The following BCL9L variants were observed in gnomAD, a reference collection of about 807,000 sequenced individuals.
BCL9L encodes BCL9 like, also known as B-cell CLL/lymphoma 9-like protein.
A neutral mutation model predicts 99.4 loss-of-function variants in BCL9L; 19 were observed. The ratio of observed to expected loss-of-function variants is 0.19; its 90% CI spans 0.13 to 0.28. BCL9L has a LOEUF of 0.28. BCL9L is among the 10% of genes least tolerant of loss of function. BCL9L has a pLI of 1.00. For missense variants in BCL9L, 2,023 were observed against 2,101.6 expected (o/e 0.96, Z 0.73); for synonymous variants, 900 against 854.8 (o/e 1.05, Z -0.92).
rs1431374449 is a variant in BCL9L, at chr11:118,901,097, C to T, written c.2646G>A (p.Val882=). 6.2e-7 allele frequency: 1 copy of T among 1,608,376 alleles called. No individual in the cohort carries two copies. The highest frequency in any genetic ancestry group is 1.3e-5 in the African/African-American group (1 of 74,818). The stretch of plus-strand genomic sequence containing the variant: ...GCATGTGGCTGAGCCGGGTGGTGCC[C>T]ACGTTGCTCATGGGCATTGAGCTCT... ...PDQSSMPMSN[V]GTTRLSHMPL... The change falls in exon 8 of 10, where the codon GTG becomes GTA. Residue 882 remains valine, a synonymous_variant. Transcript: ENST00000683865. This position sits in a 1 kb window ranked among gnomAD's most constrained non-coding sequence, Gnocchi z 6.6.
chr11:118,906,908 G>A (rs1431187846), intron 5 of BCL9L, among the ~76,000 whole-genome samples: 1 of 152,178 alleles, frequency 6.6e-6, no homozygotes, highest in African/African-American at 2.4e-5. Flanking sequence ...GCTTCCCAGG[G>A]GCAGGGGTTA....
Position 118,899,292 on chromosome 11 carries a change from C to A in BCL9L, c.3623G>T (p.Gly1208Val). 5 of 1,526,420 alleles carry A rather than the reference C, an allele frequency of 3.3e-6. No homozygotes were observed. The highest frequency in any genetic ancestry group is 1.4e-5 in the African/African-American group (1 of 72,932). 94.6% of individuals were successfully genotyped at this position (1,526,420 alleles called of 1,614,324 possible). ...PQNSMMMAPGGPDSLNAPCGP... is the reference protein window; with the variant it reads ...PQNSMMMAPGVPDSLNAPCGP... ...ACAGGGGGCATTCAGGGAGTCGGGGCCCCCTGGGGCCATCATCATGGAGTT... is the reference window on the plus strand; with the variant it reads ...ACAGGGGGCATTCAGGGAGTCGGGGACCCCTGGGGCCATCATCATGGAGTT... Residue 1208 changes from glycine to valine, a missense_variant, in exon 10 of 10, where the codon GGC becomes GTC. By Grantham distance (109) the Gly-to-Val change is moderately radical. This residue lies in a region of BCL9L where 902 missense variants were observed against 888.2 expected (regional missense o/e 1.02). Coordinates refer to ENST00000683865, the MANE Select transcript of BCL9L (RefSeq NM_001378213.1).
chr11:118,904,433 G>A (rs1228370408), intron 5 of BCL9L, among the ~76,000 whole-genome samples: 2 of 152,062 alleles, frequency 1.3e-5, no homozygotes, highest in African/African-American at 4.8e-5. Flanking sequence ...GAGCGAGACT[G>A]TCTCAAAAAA....
At chr11:118,919,090 CCAGCTGCACCGCTG>C (rs1941063095) in intron 1 of BCL9L, among the ~76,000 whole-genome samples, 1 of 75,992 alleles carries the variant, frequency 1.3e-5, no homozygotes, top group Non-Finnish European at 2.8e-5. Flanking sequence ...AAGCCTGACC[CCAGCTGCACCGCTG>C]CCCCCCCCCC....
At position 118,898,312 on chromosome 11, in the gene BCL9L, C is replaced by CCCCCCCCCCCCCCCCCCCCCCCCCCCA; in HGVS notation, c.*102_*103insTGGGGGGGGGGGGGGGGGGGGGGGGGG. ...TACACAAGCCCCCTCCCACCCCCTC[C>CCCCCCCCCCCCCCCCCCCCCCCCCCCA]ACCCCACCCCGCGACCCAGGCCATC... is the stretch of plus-strand genomic sequence containing the variant. On this transcript the variant is annotated 3_prime_UTR_variant, in exon 10 of 10. Coordinates refer to ENST00000683865, the MANE Select transcript of BCL9L (RefSeq NM_001378213.1). 1 of 686,074 alleles carries CCCCCCCCCCCCCCCCCCCCCCCCCCCA rather than the reference C, an allele frequency of 1.5e-6. No homozygotes were observed. The highest frequency in any genetic ancestry group is 2.2e-6 in the Non-Finnish European group (1 of 459,130). The allele number at this position is 686,074 out of a possible 1,614,324, so 42.5% of individuals were successfully genotyped here.
chr11:118,920,416 C>T (rs923119768), intron 1 of BCL9L, among the ~76,000 whole-genome samples: 3 of 152,316 alleles, frequency 2.0e-5, no homozygotes, highest in East Asian at 1.9e-4. Context: ...GGCCCCACCC[C>T]AGATGCCTGG....
At chr11:118,909,395 C>T (rs754242949) in intron 3 of BCL9L, among the ~76,000 whole-genome samples, 3 of 152,176 alleles carry the variant, frequency 2.0e-5, no homozygotes, top group African/African-American at 4.8e-5. Context: ...TATTAATAGC[C>T]GCTGGAAAGA....
chr11:118,900,857 C>T lies in BCL9L; in HGVS notation c.2886G>A (p.Val962=), dbSNP rs764386619. ...LKSPQTPSQM[V]PLPSANPPGP... is the part of the protein sequence containing the mutation. ...CTGGCGGGTTGGCAGAAGGCAAGGGCACCATCTGTGAGGGAGTCTGGGGTG... is the reference window on the plus strand; with the variant it reads ...CTGGCGGGTTGGCAGAAGGCAAGGGTACCATCTGTGAGGGAGTCTGGGGTG... Residue 962 remains valine, a synonymous_variant, in exon 8 of 10, where the codon GTG becomes GTA. Transcript: ENST00000683865. The surrounding 1 kb of genome is among the most constrained non-coding windows in gnomAD (Gnocchi z 5.3). 1 of 1,611,810 alleles carries T rather than the reference C, an allele frequency of 6.2e-7. No individual in the cohort carries two copies. The highest frequency in any genetic ancestry group is 1.1e-5 in the South Asian group (1 of 90,926).
At position 118,921,540 on chromosome 11, in the gene BCL9L, G is replaced by T. The variant is rs1436466867; in HGVS notation, c.-130-2661C>A. ...GGAGGGGAAGACGGGCCAGCCCAGG[G>T]CTACCAGTCCATTGGAGGAGGAACG... On this transcript the variant is annotated intron_variant, in intron 1 of 9. Transcript: ENST00000683865. The surrounding 1 kb of genome is among the most constrained non-coding windows in gnomAD (Gnocchi z 5.4). 6.6e-6 allele frequency among the ~76,000 whole-genome samples: 1 copy of T among 152,120 alleles called. No homozygotes were observed. The highest frequency in any genetic ancestry group is 1.5e-5 in the Non-Finnish European group (1 of 68,020).
rs1941157712 is a variant in BCL9L, at chr11:118,922,077, C to T, written c.-131+3161G>A. Among the ~76,000 whole-genome samples the T allele has an allele frequency of 6.6e-6, 1 of 152,134 alleles. No homozygotes were observed. Among genetic ancestry groups the T allele is most frequent in the Admixed American group, 6.5e-5 (1 of 15,282 alleles). On this transcript the variant is annotated intron_variant, in intron 1 of 9. Coordinates refer to ENST00000683865, the MANE Select transcript of BCL9L (RefSeq NM_001378213.1). This position sits in a 1 kb window ranked among gnomAD's most constrained non-coding sequence, Gnocchi z 6.2. Reference sequence around the variant, plus strand: ...ACATGCCCACACCCAGGAAGTCGCCCCTCCCACGGCAGCCAGAATGCCCTT... The same window carrying T: ...ACATGCCCACACCCAGGAAGTCGCCTCTCCCACGGCAGCCAGAATGCCCTT...
At position 118,902,102 on chromosome 11, in the gene BCL9L, C is replaced by T. The variant is rs1363476000; in HGVS notation, c.1641G>A (p.Gln547=). 6.8e-6 allele frequency: 11 copies of T among 1,613,978 alleles called. No homozygotes were observed. Among genetic ancestry groups the T allele is most frequent in the Non-Finnish European group, 8.5e-6 (10 of 1,180,012 alleles). The change falls in exon 8 of 10, where the codon CAG becomes CAA. Residue 547 remains glutamine, a synonymous_variant. Coordinates refer to ENST00000683865, the MANE Select transcript of BCL9L (RefSeq NM_001378213.1). This position sits in a 1 kb window ranked among gnomAD's most constrained non-coding sequence, Gnocchi z 7.8. The part of the protein sequence containing the change: ...QIGLHGSRPL[Q]DMMGMGGMMV... Reference sequence around the variant, plus strand: ...TCATGCCCCCCATGCCCATCATGTCCTGCAGAGGACGGCTCCCATGCAGCC... The same window carrying T: ...TCATGCCCCCCATGCCCATCATGTCTTGCAGAGGACGGCTCCCATGCAGCC...
chr11:118,915,553 C>T (rs1051864129), intron 2 of BCL9L, among the ~76,000 whole-genome samples: 2 of 152,154 alleles, frequency 1.3e-5, no homozygotes, highest in Admixed American at 6.5e-5. Context: ...CTGGGCTCAC[C>T]GACACACTCA....
Position 118,908,398 on chromosome 11 carries a change from T to C in BCL9L, c.284A>G (p.Lys95Arg). Residue 95 changes from lysine (K) to arginine (R), a missense_variant, in exon 4 of 10, where the codon AAG becomes AGG. By Grantham distance (26) the Lys-to-Arg change is conservative (BLOSUM62 2). Coordinates refer to ENST00000683865, the MANE Select transcript of BCL9L (RefSeq NM_001378213.1). ...NQISPSNSSL[K>R]NPQAGVPPFS... ...AGGGGGCACCCCTGCCTGGGGGTTC[T>C]TCAGACTTGAGTTGCTAGGCGAGAT... 1 of 1,614,048 alleles carries C rather than the reference T, an allele frequency of 6.2e-7. No individual in the cohort carries two copies. The highest frequency in any genetic ancestry group is 8.5e-7 in the Non-Finnish European group (1 of 1,179,936).
intron 2 of BCL9L, among the ~76,000 whole-genome samples, chr11:118,912,662 C>T (rs1180162500): frequency 2.6e-5 from 4 of 152,188 alleles, no homozygotes; most frequent in Non-Finnish European, 5.9e-5. Context: ...CAGGCGTTCA[C>T]ACATCCAGTG....
intron 4 of BCL9L, among the ~76,000 whole-genome samples, chr11:118,907,930 C>G (rs1448469402): frequency 6.6e-6 from 1 of 152,196 alleles, no homozygotes; most frequent in African/African-American, 2.4e-5. Context: ...GGGCTCCCAC[C>G]AGCCGGGATA....
rs1437236122 is a variant in BCL9L at position 118,909,978 on chromosome 11, C to T, written c.-39G>A. The T allele has an allele frequency of 3.1e-6, 5 of 1,613,682 alleles. No individual in the cohort carries two copies. In the African/African-American group the frequency reaches 6.7e-5, roughly 22 times the overall value. ...AGTGGGGCTACGGCCCCTGTGCGTG[C>T]CCAGGGCCCAGCCAGGTACTCGGTA... On this transcript the variant is annotated 5_prime_UTR_variant, in exon 3 of 10. Coordinates refer to ENST00000683865, the MANE Select transcript of BCL9L (RefSeq NM_001378213.1).
intron 2 of BCL9L, chr11:118,910,583 A>T (rs1168215983): frequency 1.3e-5 from 2 of 152,424 alleles, no homozygotes; most frequent in East Asian, 3.9e-4. Context: ...CCCGACCGCA[A>T]GAATGCAGGA....
rs1212257229 is a variant in BCL9L at position 118,898,571 on chromosome 11, C to G, written c.4344G>C (p.Gln1448His). ...QRGVGGEVYS[Q>H]PPHMLSPQGS... ...CCTGCGGGGAGAGCATGTGGGGCGG[C>G]TGGCTGTAGACCTCGCCCCCCACGC... Residue 1448 changes from glutamine (Q) to histidine (H), a missense_variant, in exon 10 of 10, where the codon CAG becomes CAC. Gln to His is a conservative substitution (Grantham distance 24). Transcript: ENST00000683865. 4 of 1,609,190 alleles carry G rather than the reference C, an allele frequency of 2.5e-6. No homozygotes were observed. The South Asian group carries it at 4.4e-5, about 18-fold the overall frequency.
At chr11:118,912,908 G>A (rs1216313485) in intron 2 of BCL9L, among the ~76,000 whole-genome samples, 2 of 152,086 alleles carry the variant, frequency 1.3e-5, no homozygotes, top group African/African-American at 2.4e-5. Context: ...GAGATACAGC[G>A]CCCGAGACGA....
Sources: allele counts gnomAD v4.1 joint callset (sites outside exome capture counted in the v4.1 genomes callset), GRCh38; gene constraint gnomAD v4.1.1; regional missense constraint gnomAD v4.1.1; non-coding constraint Gnocchi (gnomAD v3.1); transcripts MANE v1.5; gene names NCBI Gene and HGNC (gene_info 2026-07-23, HGNC 2026-07-21).